ZC3H12C: variants seen among roughly 807,000 people sequenced by gnomAD.
ZC3H12C encodes the protein probable ribonuclease ZC3H12C.
In ZC3H12C, 20 loss-of-function variants were observed where a neutral mutation model predicts 76.3. The ratio of observed to expected loss-of-function variants is 0.26; its 90% CI spans 0.18 to 0.38. The LOEUF (loss-of-function observed/expected upper bound fraction) is 0.38, where lower values mean the gene tolerates loss of function less well. Among genes scored for constraint, ZC3H12C ranks in the 10% least tolerant of loss-of-function variants. The pLI is 1.00. For missense variants in ZC3H12C, 874 were observed against 1,086.5 expected, an observed-to-expected ratio of 0.80 and a Z score of 2.75; for synonymous variants, 352 against 399.6, an observed-to-expected ratio of 0.88 and a Z score of 1.42.
chr11:110,159,332 A>T lies in ZC3H12C; in HGVS notation c.990A>T (p.Arg330Ser). The change falls in exon 4 of 6, where the codon AGA (arginine) becomes AGT (serine). Residue 330 changes from arginine (R) to serine (S), a missense_variant. By Grantham distance (110) the Arg-to-Ser change is moderately radical. Transcript: ENST00000278590. ...FTPSRRVQGR[R>S]VVCYDDRFIV... The stretch of plus-strand genomic sequence containing the variant: ...CATCCCGGCGAGTCCAGGGGAGGAG[A>T]GTGGTGTGCTATGACGACAGGTTCA... 1 of 1,613,930 alleles carries T rather than the reference A, an allele frequency of 6.2e-7. No individual in the cohort carries two copies. Among genetic ancestry groups the T allele is most frequent in the Non-Finnish European group, 8.5e-7 (1 of 1,179,980 alleles).
At chr11:110,140,395 C>T (rs1228354457) in intron 2 of ZC3H12C, among the ~76,000 whole-genome samples, 1 of 152,232 alleles carries the variant, frequency 6.6e-6, no homozygotes, top group African/African-American at 2.4e-5. Flanking sequence ...CAATATTCTT[C>T]CATGACCTAG....
At chr11:110,113,017 T>TA (rs370974277) in intron 1 of ZC3H12C, among the ~76,000 whole-genome samples, 1 of 151,716 alleles carries the variant, frequency 6.6e-6, no homozygotes, top group African/African-American at 2.4e-5. Flanking sequence ...AAAAAAGATT[T>TA]AAAAAAAAGT....
intron 1 of ZC3H12C, among the ~76,000 whole-genome samples, chr11:110,097,532 T>A (rs988942954): frequency 6.6e-6 from 1 of 152,194 alleles, no homozygotes; most frequent in Non-Finnish European, 1.5e-5. Flanking sequence ...TTGTGCCAAG[T>A]ATTGTTCTAA....
intron 1 of ZC3H12C, among the ~76,000 whole-genome samples, chr11:110,118,888 A>T (rs1232186778): frequency 6.6e-6 from 1 of 152,190 alleles, no homozygotes; most frequent in Admixed American, 6.5e-5. Context: ...AGATTTTAAA[A>T]TTTTCAATAA....
chr11:110,119,947 T>C (rs148004713), intron 1 of ZC3H12C, among the ~76,000 whole-genome samples: 24 of 152,352 alleles, frequency 1.6e-4, no homozygotes, highest in African/African-American at 5.3e-4. Context: ...GACACCAACA[T>C]TCAGATCATA....
intron 1 of ZC3H12C, among the ~76,000 whole-genome samples, chr11:110,115,712 GGCATGAGCT>G (rs1327885554): frequency 6.6e-6 from 1 of 151,118 alleles, no homozygotes; most frequent in Non-Finnish European, 1.5e-5. Context: ...TAGAATTATG[GGCATGAGCT>G]ACTACACTTA....
At chr11:110,112,432 C>T (rs941019122) in intron 1 of ZC3H12C, among the ~76,000 whole-genome samples, 1 of 152,198 alleles carries the variant, frequency 6.6e-6, no homozygotes, top group Non-Finnish European at 1.5e-5. Flanking sequence ...CTCAAGCAGT[C>T]TTCCTGCCTC....
rs1861318854 is a variant in ZC3H12C at position 110,105,987 on chromosome 11, AGCCGGGCGCGGT to A, written c.21+12557_21+12568del. Among the ~76,000 whole-genome samples, 19 of 76,098 alleles carry A rather than the reference AGCCGGGCGCGGT, an allele frequency of 2.5e-4. 8 individuals carry two copies. Among genetic ancestry groups the A allele is most frequent in the Non-Finnish European group, 5.4e-4 (19 of 35,506 alleles). 49.9% of individuals were successfully genotyped at this position (76,098 alleles called of 152,430 possible). On this transcript the variant is annotated intron_variant, in intron 1 of 5. Coordinates refer to ENST00000278590, the MANE Select transcript of ZC3H12C (RefSeq NM_033390.2). ...AACTGCCATCTAGAAAAGTTATACC[AGCCGGGCGCGGT>A]GGCTCACGCCTGTAATCCCAGCACT...
chr11:110,114,753 T>C (rs1861494299), intron 1 of ZC3H12C, among the ~76,000 whole-genome samples: 1 of 152,254 alleles, frequency 6.6e-6, no homozygotes, highest in African/African-American at 2.4e-5. Context: ...ATTTAAGTTA[T>C]ATGTCTAAAT....
Position 110,165,797 on chromosome 11 carries a change from G to T in ZC3H12C, c.*60G>T, listed in dbSNP as rs1862574297. ...TTGTTCAGCTCAAATGCTGAGGGAG[G>T]TTTGCTACAATAGCACATGTGATCT... On this transcript the variant is annotated 3_prime_UTR_variant, in exon 6 of 6. Coordinates refer to ENST00000278590, the MANE Select transcript of ZC3H12C (RefSeq NM_033390.2). 2 of 1,459,116 alleles carry T rather than the reference G, an allele frequency of 1.4e-6. No individual in the cohort carries two copies. Among genetic ancestry groups the T allele is most frequent in the East Asian group, 4.9e-5 (2 of 40,522 alleles). 90.4% of individuals were successfully genotyped at this position (1,459,116 alleles called of 1,614,324 possible).
chr11:110,112,540 A>G (rs1289536674), intron 1 of ZC3H12C, among the ~76,000 whole-genome samples: 1 of 152,230 alleles, frequency 6.6e-6, no homozygotes, highest in Non-Finnish European at 1.5e-5. Context: ...AGGAGCAACT[A>G]GGAATAAAGT....
chr11:110,134,294 AG>A (rs1861915862), intron 1 of ZC3H12C, among the ~76,000 whole-genome samples: 1 of 152,124 alleles, frequency 6.6e-6, no homozygotes, highest in Non-Finnish European at 1.5e-5. Context: ...TCTCTTTTAT[AG>A]GCTTTTGTTC....
intron 1 of ZC3H12C, among the ~76,000 whole-genome samples, chr11:110,112,793 A>G (rs1291315824): frequency 2.6e-5 from 4 of 152,186 alleles, no homozygotes; most frequent in East Asian, 1.9e-4. Context: ...GAATTATGGG[A>G]TGGAAAGCCA....
intron 1 of ZC3H12C, among the ~76,000 whole-genome samples, chr11:110,096,544 C>G (rs1160883962): frequency 6.6e-6 from 1 of 152,154 alleles, no homozygotes; most frequent in East Asian, 1.9e-4. Context: ...AGTAACTTGC[C>G]CAAAGTCATA....
chr11:110,149,296 C>T (rs1049255932), intron 2 of ZC3H12C, among the ~76,000 whole-genome samples: 8 of 152,240 alleles, frequency 5.3e-5, no homozygotes, highest in African/African-American at 1.9e-4. Context: ...CTTTCCCTCG[C>T]CGTTTAAAAG....
At chr11:110,093,808 A>G (rs117936376) in intron 1 of ZC3H12C, among the ~76,000 whole-genome samples, 4,046 of 152,106 alleles carry the variant, frequency 0.027, 80 homozygotes, top group Non-Finnish European at 0.04. Context: ...ATGGAAACGG[A>G]CACACTGCGC....
At chr11:110,117,860 TAATA>T (rs902012848) in intron 1 of ZC3H12C, among the ~76,000 whole-genome samples, 5 of 109,084 alleles carry the variant, frequency 4.6e-5, no homozygotes, top group Non-Finnish European at 1.9e-5. Flanking sequence ...CACATATATA[TAATA>T]TATATACACA....
chr11:110,154,765 A>G (rs1173405124), intron 3 of ZC3H12C, among the ~76,000 whole-genome samples: 1 of 56,244 alleles, frequency 1.8e-5, no homozygotes, highest in African/African-American at 4.3e-5. Flanking sequence ...ATAATTGGCA[A>G]GTTGCCTAAG....
chr11:110,137,455 T>C (rs1861987038), intron 2 of ZC3H12C, 41 bp downstream of exon 2: 2 of 1,531,778 alleles, frequency 1.3e-6, no homozygotes, highest in Admixed American at 2.2e-5. Flanking sequence ...TACCAAATAA[T>C]CTTTAAAAGC....
Sources: gnomAD v4.1 joint callset for allele counts (sites outside exome capture counted in the v4.1 genomes callset) on GRCh38, gnomAD v4.1.1 for gene constraint, MANE v1.5 for transcripts, NCBI Gene and HGNC (gene_info 2026-07-23, HGNC 2026-07-21) for gene names.